DACH2: variants seen among roughly 807,000 people sequenced by gnomAD.
The protein encoded by DACH2 is dachshund family transcription factor 2, also known as dachshund homolog 2.
A neutral mutation model predicts 35.8 loss-of-function variants in DACH2; 17 were observed. The observed-to-expected ratio is 0.48, with a 90% confidence interval of 0.33 to 0.71. The LOEUF is 0.71. Ranked by LOEUF, DACH2 falls within the 30% of genes least tolerant of loss-of-function variation. The pLI, the probability that DACH2 is intolerant of heterozygous loss-of-function variation, is 0.02. For missense variants in DACH2, 469 were observed against 472.7 expected, an observed-to-expected ratio of 0.99 and a Z score of 0.07; for synonymous variants, 195 against 177.3, an observed-to-expected ratio of 1.10 and a Z score of -0.79.
intron 1 of DACH2, among the ~76,000 whole-genome samples, chrX:86,228,463 AG>A (rs150294769): frequency 0.068 from 7,269 of 107,234 alleles, 729 homozygotes; most frequent in African/African-American, 0.24. Flanking sequence ...AAAAAAAAAA[AG>A]AAAAAAGAAA....
chrX:86,577,115 G>A (rs773938066), intron 3 of DACH2, among the ~76,000 whole-genome samples: 1 of 111,927 alleles, frequency 8.9e-6, no homozygotes, highest in Non-Finnish European at 1.9e-5. Context: ...CTATATGTCA[G>A]GTACTACAAT....
chrX:86,182,807 A>G (rs1332242447), intron 1 of DACH2, among the ~76,000 whole-genome samples: 9 of 190 alleles, frequency 0.047, no homozygotes, highest in Non-Finnish European at 0.012. Flanking sequence ...TCTATCCATG[A>G]GATGGAATGT....
At chrX:86,161,056 T>C in intron 1 of DACH2, 1 of 1,054,429 alleles carries the variant, frequency 9.5e-7, no homozygotes, top group Admixed American at 2.2e-5. Context: ...TCCAGCATGT[T>C]GTCATCATTC....
chrX:86,294,915 C>T (rs2034409890), intron 1 of DACH2, among the ~76,000 whole-genome samples: 1 of 110,912 alleles, frequency 9.0e-6, no homozygotes, highest in South Asian at 3.8e-4. Flanking sequence ...CCTACAGAGG[C>T]AGGCAGGCCT....
intron 3 of DACH2, among the ~76,000 whole-genome samples, chrX:86,523,133 T>C (rs2038582278): frequency 8.9e-6 from 1 of 112,018 alleles, no homozygotes; most frequent in Non-Finnish European, 1.9e-5. Flanking sequence ...AATTGTTTTT[T>C]AAGAATGTCA....
intron 1 of DACH2, among the ~76,000 whole-genome samples, chrX:86,315,826 C>G (rs1251329487): frequency 1.0e-5 from 1 of 97,963 alleles, no homozygotes; most frequent in Admixed American, 1.1e-4. Flanking sequence ...CACACACACA[C>G]ACACACACAC....
At chrX:86,295,081 G>A (rs2034416869) in intron 1 of DACH2, among the ~76,000 whole-genome samples, 1 of 112,606 alleles carries the variant, frequency 8.9e-6, no homozygotes, top group African/African-American at 3.2e-5. Context: ...AGACTCCGTG[G>A]GCGTAGGACC....
chrX:86,292,498 T>C (rs377318569), intron 1 of DACH2, among the ~76,000 whole-genome samples: 2 of 110,911 alleles, frequency 1.8e-5, no homozygotes, highest in Non-Finnish European at 3.8e-5. Context: ...TGCTTTTCTA[T>C]TTCCTTTAAT....
intron 11 of DACH2, among the ~76,000 whole-genome samples, chrX:86,817,394 G>A (rs1285665327): frequency 9.0e-6 from 1 of 111,269 alleles, no homozygotes; most frequent in African/African-American, 3.3e-5. Flanking sequence ...CCTGGTATTT[G>A]AGGTTACCAT....
At chrX:86,469,433 A>T (rs903564819) in intron 2 of DACH2, among the ~76,000 whole-genome samples, 1 of 111,257 alleles carries the variant, frequency 9.0e-6, no homozygotes, top group African/African-American at 3.3e-5. Context: ...TATTTAAAAT[A>T]TTACATTGTA....
chrX:86,461,737 T>C (rs2037576997), intron 2 of DACH2, among the ~76,000 whole-genome samples: 2 of 111,529 alleles, frequency 1.8e-5, no homozygotes, highest in African/African-American at 3.2e-5. Context: ...TAAAAGCATA[T>C]AAAAATGGAG....
At chrX:86,657,759 T>C (rs1156922830) in intron 4 of DACH2, among the ~76,000 whole-genome samples, 2 of 111,520 alleles carry the variant, frequency 1.8e-5, no homozygotes, top group Non-Finnish European at 3.8e-5. Context: ...TGTGGTAGGA[T>C]TGCTATTTAA....
At chrX:86,653,345 T>C (rs2040499657) in intron 4 of DACH2, among the ~76,000 whole-genome samples, 1 of 111,659 alleles carries the variant, frequency 9.0e-6, no homozygotes, top group South Asian at 3.7e-4. Flanking sequence ...TGTAATATAA[T>C]TCGAAGGCAG....
At chrX:86,460,880 C>G (rs1051288006) in intron 2 of DACH2, among the ~76,000 whole-genome samples, 2 of 110,879 alleles carry the variant, frequency 1.8e-5, no homozygotes, top group South Asian at 7.5e-4. Context: ...TAACAAGACC[C>G]TTATTGCCTA....
chrX:86,617,201 C>T (rs559944048), intron 3 of DACH2, among the ~76,000 whole-genome samples: 5 of 111,521 alleles, frequency 4.5e-5, no homozygotes, highest in African/African-American at 1.6e-4. Flanking sequence ...AGTATGACAC[C>T]TACAACTTTG....
chrX:86,333,274 T>C (rs1369192840), intron 1 of DACH2, among the ~76,000 whole-genome samples: 1 of 112,270 alleles, frequency 8.9e-6, no homozygotes, highest in Non-Finnish European at 1.9e-5. Flanking sequence ...AGTAATTACA[T>C]ATTTAAAAAT....
chrX:86,445,758 G>C (rs4278284), intron 2 of DACH2, among the ~76,000 whole-genome samples: 3,451 of 110,301 alleles, frequency 0.031, 135 homozygotes, highest in African/African-American at 0.11. Flanking sequence ...AATAGGTTAG[G>C]ACTTGTTTTG....
At chrX:86,462,925 G>T (rs2037600900) in intron 2 of DACH2, among the ~76,000 whole-genome samples, 1 of 111,457 alleles carries the variant, frequency 9.0e-6, no homozygotes, top group African/African-American at 3.2e-5. Context: ...CTAAGTTATA[G>T]CAAGGTCTCT....
intron 1 of DACH2, among the ~76,000 whole-genome samples, chrX:86,358,425 G>A (rs191750964): frequency 3.8e-3 from 302 of 78,579 alleles, no homozygotes; most frequent in Middle Eastern, 8.2e-3. Flanking sequence ...TGCCATCCCA[G>A]CCCCGCCACA....
Sources: allele counts gnomAD v4.1 joint callset (sites outside exome capture counted in the v4.1 genomes callset), GRCh38; gene constraint gnomAD v4.1.1; transcripts MANE v1.5; gene names NCBI Gene and HGNC (gene_info 2026-07-23, HGNC 2026-07-21).